The following RANBP17 variants were observed in gnomAD, a reference collection of about 807,000 sequenced individuals.
RANBP17 encodes RAN binding protein 17, also known as ran-binding protein 17.
In RANBP17, 158 loss-of-function variants were observed where a neutral mutation model predicts 141.2. The ratio of observed to expected loss-of-function variants is 1.12; its 90% CI spans 0.98 to 1.28. The LOEUF is 1.28. RANBP17 is among the 50% of genes most tolerant of loss of function. The pLI is 0.00. For missense variants in RANBP17, 1,438 were observed against 1,290.7 expected, an observed-to-expected ratio of 1.11 and a Z score of -1.75; for synonymous variants, 430 against 450.0, an observed-to-expected ratio of 0.96 and a Z score of 0.56.
At chr5:170,954,228 C>T (rs1428509798) in intron 13 of RANBP17, among the ~76,000 whole-genome samples, 1 of 151,948 alleles carries the variant, frequency 6.6e-6, no homozygotes, top group Non-Finnish European at 1.5e-5. Flanking sequence ...CTTATAACAG[C>T]GTCATACATG....
intron 6 of RANBP17, 41 bp from the exon 7 acceptor site, chr5:170,910,928 T>C: frequency 6.4e-7 from 1 of 1,568,088 alleles, no homozygotes; most frequent in Non-Finnish European, 8.7e-7. Context: ...AATTTATTGA[T>C]GTATTTCGCA....
At chr5:171,290,891 A>C (rs190151058) in intron 25 of RANBP17, among the ~76,000 whole-genome samples, 164 of 152,372 alleles carry the variant, frequency 1.1e-3, no homozygotes, top group African/African-American at 3.9e-3. Context: ...TGGCAAGCAC[A>C]GTATCAAATG....
chr5:171,285,451 A>C (rs1768113105), intron 25 of RANBP17, among the ~76,000 whole-genome samples: 2 of 152,232 alleles, frequency 1.3e-5, no homozygotes, highest in Non-Finnish European at 2.9e-5. Context: ...TCAAAAATAC[A>C]GATCTTCCCT....
At chr5:170,919,348 A>T in intron 10 of RANBP17, 93 bp from the exon 11 acceptor site, 1 of 904,754 alleles carries the variant, frequency 1.1e-6, no homozygotes, top group Non-Finnish European at 1.6e-6. Flanking sequence ...AATAAAAGTT[A>T]ATTTAAAAAT....
chr5:170,932,562 A>AT (rs55746840), intron 12 of RANBP17, among the ~76,000 whole-genome samples: 1 of 151,614 alleles, frequency 6.6e-6, no homozygotes, highest in African/African-American at 2.4e-5. Context: ...AATAGCTCTT[A>AT]TTTTTTTTGA....
At chr5:170,879,768 T>C (rs1262523668) in intron 2 of RANBP17, among the ~76,000 whole-genome samples, 2 of 152,116 alleles carry the variant, frequency 1.3e-5, no homozygotes, top group Non-Finnish European at 2.9e-5. Flanking sequence ...TAAAAACTTA[T>C]CACTGATAAG....
chr5:171,095,022 A>C (rs1340598397), intron 14 of RANBP17, among the ~76,000 whole-genome samples: 1 of 152,100 alleles, frequency 6.6e-6, no homozygotes, highest in Non-Finnish European at 1.5e-5. Context: ...TGCTATTCCA[A>C]CATGTTATAA....
chr5:171,155,078 GAA>G lies in RANBP17; in HGVS notation c.1711-15036_1711-15035del, dbSNP rs145976955. ...GGGCGACAGAGTGATACTCCATCTA[GAA>G]AAAAAAAAAAAAAAATATATATATA... On this transcript the variant is annotated intron_variant, in intron 14 of 27. Coordinates refer to ENST00000523189, the MANE Select transcript of RANBP17 (RefSeq NM_022897.5). Among the ~76,000 whole-genome samples the G allele has an allele frequency of 4.9e-3, 368 of 74,970 alleles. 2 individuals are homozygous for G. The highest frequency in any genetic ancestry group is 0.01 in the South Asian group (19 of 1,836). 49.2% of individuals were successfully genotyped at this position (74,970 alleles called of 152,430 possible).
intron 14 of RANBP17, among the ~76,000 whole-genome samples, chr5:171,123,849 A>G (rs1756226363): frequency 6.6e-6 from 1 of 152,234 alleles, no homozygotes; most frequent in South Asian, 2.1e-4. Context: ...TCAAAAGCCA[A>G]AGCACTCTAC....
intron 25 of RANBP17, among the ~76,000 whole-genome samples, chr5:171,278,204 G>A (rs1170020516): frequency 1.3e-5 from 2 of 151,874 alleles, no homozygotes; most frequent in Non-Finnish European, 2.9e-5. Flanking sequence ...GGGCAACATA[G>A]CAAGACTCTG....
chr5:171,111,260 C>CA (rs1198582877), intron 14 of RANBP17, among the ~76,000 whole-genome samples: 1 of 152,154 alleles, frequency 6.6e-6, no homozygotes, highest in Non-Finnish European at 1.5e-5. Flanking sequence ...CTTACTCAGT[C>CA]ATTTCTAAGA....
chr5:170,894,338 A>G (rs1364728822), intron 4 of RANBP17, among the ~76,000 whole-genome samples: 1 of 152,042 alleles, frequency 6.6e-6, no homozygotes, highest in Admixed American at 6.6e-5. Flanking sequence ...AACATTTCTC[A>G]AGCTCCCTCT....
At chr5:171,271,075 C>CCTTTTTTTTTTTTTTTTTTTT (rs1767076411) in intron 25 of RANBP17, 5 of 27,540 alleles carry the variant, frequency 1.8e-4, no homozygotes, top group African/African-American at 6.8e-4. Context: ...TATGTTATTT[C>CCTTTTTTTTTTTTTTTTTTTT]TTTTTTTTTT....
chr5:170,980,738 C>T (rs1365517190), intron 14 of RANBP17, among the ~76,000 whole-genome samples: 1 of 152,168 alleles, frequency 6.6e-6, no homozygotes, highest in Non-Finnish European at 1.5e-5. Context: ...GAGCGGGGCC[C>T]TCATGGAGAA....
chr5:170,987,261 C>G (rs1041818151), intron 14 of RANBP17, among the ~76,000 whole-genome samples: 5 of 151,602 alleles, frequency 3.3e-5, no homozygotes, highest in African/African-American at 1.2e-4. Flanking sequence ...TGCTTAGTGA[C>G]TTTAGGGATT....
intron 12 of RANBP17, among the ~76,000 whole-genome samples, chr5:170,945,881 A>T (rs1205569001): frequency 6.6e-6 from 1 of 152,174 alleles, no homozygotes; most frequent in Non-Finnish European, 1.5e-5. Flanking sequence ...CTCATCTGTG[A>T]TAAAGACTCA....
intron 14 of RANBP17, among the ~76,000 whole-genome samples, chr5:170,993,087 G>A (rs1487790301): frequency 6.6e-6 from 1 of 151,992 alleles, no homozygotes; most frequent in East Asian, 1.9e-4. Context: ...CTGACTGCCA[G>A]ATCCTTTCTT....
chr5:171,260,400 G>A (rs543242958), intron 24 of RANBP17, among the ~76,000 whole-genome samples: 5 of 150,074 alleles, frequency 3.3e-5, no homozygotes, highest in South Asian at 2.1e-4. Flanking sequence ...CCCAGGAGGC[G>A]GAGATTGCAG....
At chr5:170,946,784 TC>T (rs1431987221) in intron 12 of RANBP17, among the ~76,000 whole-genome samples, 11 of 152,194 alleles carry the variant, frequency 7.2e-5, no homozygotes, top group African/African-American at 2.7e-4. Flanking sequence ...AAGCTTTTTT[TC>T]TTTAGGAACA....
Sources: allele counts gnomAD v4.1 joint callset (sites outside exome capture counted in the v4.1 genomes callset), GRCh38; gene constraint gnomAD v4.1.1; transcripts MANE v1.5; gene names NCBI Gene and HGNC (gene_info 2026-07-23, HGNC 2026-07-21).